Variants in PTPRG observed in about 807,000 individuals in gnomAD.
PTPRG encodes the protein protein tyrosine phosphatase receptor type G, also known as receptor-type tyrosine-protein phosphatase gamma.
PTPRG carries 102 observed loss-of-function variants against 165.3 expected under a neutral mutation model. That is an observed-to-expected ratio of 0.62 (90% confidence interval 0.53 to 0.73). The LOEUF is 0.73. PTPRG is among the 30% of genes least tolerant of loss of function. The pLI, the probability that PTPRG is intolerant of heterozygous loss-of-function variation, is 0.00. For missense variants in PTPRG, 1,866 were observed against 1,861.4 expected, an observed-to-expected ratio of 1.00 and a Z score of -0.05; for synonymous variants, 675 against 669.5, an observed-to-expected ratio of 1.01 and a Z score of -0.13.
At chr3:61,862,096 T>C (rs2037286318) in intron 2 of PTPRG, among the ~76,000 whole-genome samples, 1 of 152,048 alleles carries the variant, frequency 6.6e-6, no homozygotes, top group South Asian at 2.1e-4. Context: ...GTGAGCTCCG[T>C]CTCCTGTCAT....
chr3:61,963,055 A>G (rs2040190363), intron 2 of PTPRG, among the ~76,000 whole-genome samples: 1 of 152,084 alleles, frequency 6.6e-6, no homozygotes, highest in African/African-American at 2.4e-5. Context: ...CATATTTATT[A>G]GTTTTCGTTT....
chr3:61,844,701 C>G (rs1181015701), intron 2 of PTPRG, among the ~76,000 whole-genome samples: 3 of 151,046 alleles, frequency 2.0e-5, no homozygotes, highest in Admixed American at 6.6e-5. Flanking sequence ...GCGTATCTTG[C>G]TATATTGAAC....
At chr3:61,565,511 T>C (rs1365159900) in intron 1 of PTPRG, among the ~76,000 whole-genome samples, 1 of 152,030 alleles carries the variant, frequency 6.6e-6, no homozygotes, top group African/African-American at 2.4e-5. Flanking sequence ...CTGATACATA[T>C]CTCCAATCAC....
chr3:62,174,723 G>T (rs1455127837), intron 8 of PTPRG, among the ~76,000 whole-genome samples: 1 of 152,158 alleles, frequency 6.6e-6, no homozygotes, highest in Non-Finnish European at 1.5e-5. Context: ...TCTATTTTCA[G>T]TTTAATCATT....
rs1352954097 is a variant in PTPRG, at chr3:62,245,565, G to A, written c.2467+1667G>A. ...CTGGATTAGGAATCAGAAAACCTAG[G>A]TCCACCCTGAAATCTTTGTTCAGTG... On this transcript the variant is annotated intron_variant, in intron 15 of 29. Coordinates refer to ENST00000474889, the MANE Select transcript of PTPRG (RefSeq NM_002841.4). This position sits in a 1 kb window ranked among gnomAD's most constrained non-coding sequence, Gnocchi z 4.2. 6.6e-6 allele frequency among the ~76,000 whole-genome samples: 1 copy of A among 151,978 alleles called. No individual in the cohort carries two copies. The highest frequency in any genetic ancestry group is 1.5e-5 in the Non-Finnish European group (1 of 67,992).
At chr3:62,202,796 T>C (rs1559642962) in intron 11 of PTPRG, among the ~76,000 whole-genome samples, 2 of 152,222 alleles carry the variant, frequency 1.3e-5, no homozygotes, top group Non-Finnish European at 2.9e-5. Flanking sequence ...GTCTTCTGCC[T>C]CTCATCACCC....
intron 8 of PTPRG, among the ~76,000 whole-genome samples, chr3:62,181,675 T>C (rs1265046963): frequency 6.6e-6 from 1 of 152,196 alleles, no homozygotes; most frequent in East Asian, 1.9e-4. Context: ...CTTCTCATAT[T>C]GATGGTTTTA....
At chr3:62,069,310 T>C (rs2106720724) in intron 4 of PTPRG, among the ~76,000 whole-genome samples, 1 of 152,320 alleles carries the variant, frequency 6.6e-6, no homozygotes, top group Non-Finnish European at 1.5e-5. Flanking sequence ...CTCTTCAATA[T>C]ACAAATCCGG....
intron 1 of PTPRG, among the ~76,000 whole-genome samples, chr3:61,584,259 TAA>T (rs1700379952): frequency 1.3e-5 from 2 of 152,092 alleles, no homozygotes; most frequent in African/African-American, 4.8e-5. Flanking sequence ...AAAATAATAA[TAA>T]AAAGAGTCTA....
chr3:62,007,234 T>C (rs897447321), intron 4 of PTPRG, among the ~76,000 whole-genome samples: 3 of 152,228 alleles, frequency 2.0e-5, no homozygotes, highest in Non-Finnish European at 4.4e-5. Flanking sequence ...CAGGAATTCT[T>C]TGAGGTCATC....
chr3:61,892,524 A>G (rs1019408406), intron 2 of PTPRG, among the ~76,000 whole-genome samples: 36 of 152,330 alleles, frequency 2.4e-4, no homozygotes, highest in African/African-American at 8.2e-4. Flanking sequence ...CAATGCTGAA[A>G]TAGGTACCTG....
chr3:61,618,325 A>G (rs1303289998), intron 1 of PTPRG, among the ~76,000 whole-genome samples: 1 of 152,200 alleles, frequency 6.6e-6, no homozygotes, highest in Non-Finnish European at 1.5e-5. Context: ...TAAATTAGTT[A>G]AGTCTCACAA....
intron 2 of PTPRG, among the ~76,000 whole-genome samples, chr3:61,840,765 G>GTTT (rs145859383): frequency 1.1e-4 from 13 of 119,568 alleles, no homozygotes; most frequent in African/African-American, 3.2e-4. Flanking sequence ...TTCAGATGGA[G>GTTT]TTTTTTTTGT....
chr3:61,700,718 T>G (rs1411522022), intron 1 of PTPRG, among the ~76,000 whole-genome samples: 3 of 152,194 alleles, frequency 2.0e-5, no homozygotes, highest in Non-Finnish European at 2.9e-5. Flanking sequence ...TCCAGAATAT[T>G]CACATTTTGG....
At chr3:61,680,768 T>C (rs1703415726) in intron 1 of PTPRG, among the ~76,000 whole-genome samples, 1 of 131,140 alleles carries the variant, frequency 7.6e-6, no homozygotes, top group African/African-American at 2.6e-5. Flanking sequence ...GAGGTGGGGA[T>C]GGGGATGACT....
At chr3:62,278,412 A>G (rs1702309460) in intron 26 of PTPRG, among the ~76,000 whole-genome samples, 1 of 152,072 alleles carries the variant, frequency 6.6e-6, no homozygotes, top group Non-Finnish European at 1.5e-5. Context: ...TTCAGTCTCT[A>G]AACTATACAG....
intron 1 of PTPRG, among the ~76,000 whole-genome samples, chr3:61,724,569 C>A (rs1453382967): frequency 6.6e-6 from 1 of 152,154 alleles, no homozygotes; most frequent in Middle Eastern, 3.4e-3. Context: ...CTGCCAGGCT[C>A]TTCCAGAGTA....
intron 5 of PTPRG, among the ~76,000 whole-genome samples, chr3:62,121,578 T>G (rs1703074873): frequency 6.6e-6 from 1 of 152,178 alleles, no homozygotes; most frequent in African/African-American, 2.4e-5. Flanking sequence ...GCTCATCGTG[T>G]TCACCTACAG....
chr3:61,761,139 T>C (rs1189528353), intron 2 of PTPRG, among the ~76,000 whole-genome samples: 1 of 152,228 alleles, frequency 6.6e-6, no homozygotes, highest in African/African-American at 2.4e-5. Flanking sequence ...CTGGGTCTAA[T>C]GGTATTTCTG....
Sources: gnomAD v4.1 joint callset for allele counts (sites outside exome capture counted in the v4.1 genomes callset) on GRCh38, gnomAD v4.1.1 for gene constraint, Gnocchi (gnomAD v3.1) non-coding constraint, MANE v1.5 for transcripts, NCBI Gene and HGNC (gene_info 2026-07-23, HGNC 2026-07-21) for gene names.